Variants in TALDO1 observed in about 807,000 individuals in gnomAD.
TALDO1 encodes transaldolase.
In TALDO1, 29 loss-of-function variants were observed where a neutral mutation model predicts 38.1. The observed-to-expected ratio is 0.76, with a 90% CI of 0.57 to 1.04. The LOEUF (loss-of-function observed/expected upper bound fraction) is 1.04. Among genes scored for constraint, TALDO1 ranks in the 50% least tolerant of loss-of-function variants. The pLI is 0.00. For synonymous variants in TALDO1, 207 were observed against 176.8 expected, an observed-to-expected ratio of 1.17 and a Z score of -1.36; for missense variants, 499 against 438.1, an observed-to-expected ratio of 1.14 and a Z score of -1.24.
At position 759,008 on chromosome 11, in the gene TALDO1, G is replaced by C; in HGVS notation, c.280G>C (p.Glu94Gln). The C allele has an allele frequency of 6.2e-7, 1 of 1,613,308 alleles. No homozygotes were observed. The highest frequency in any genetic ancestry group is 2.2e-5 in the East Asian group (1 of 44,834). The change falls in exon 3 of 8, where the codon GAA (glutamate) becomes CAA (glutamine). Residue 94 changes from glutamate to glutamine, a missense_variant. By Grantham distance (29) the Glu-to-Gln change is conservative. Transcript: ENST00000319006. ...IDKLFVLFGA[E>Q]ILKKIPGRVS... is the part of the protein sequence containing the mutation. ...TAAACTTTTTGTGTTGTTTGGAGCAGAAATACTAAAGAAGATTCCGGGCCG... is the reference window on the plus strand; with the variant it reads ...TAAACTTTTTGTGTTGTTTGGAGCACAAATACTAAAGAAGATTCCGGGCCG...
chr11:761,242 A>C (rs766360013), intron 4 of TALDO1, among the ~76,000 whole-genome samples: 3 of 151,218 alleles, frequency 2.0e-5, no homozygotes, highest in Non-Finnish European at 4.4e-5. Context: ...AGGCTGAAGC[A>C]GGAGAATCAC....
chr11:764,721 A>AG (rs1206618640), intron 7 of TALDO1, 92 bp from the exon 8 acceptor site: 2 of 1,596,646 alleles, frequency 1.3e-6, no homozygotes, highest in East Asian at 2.2e-5. Flanking sequence ...AGACCCCACA[A>AG]GGGCCTCCCT....
chr11:764,295 C>T lies in TALDO1; in HGVS notation c.843C>T (p.Ala281=). The T allele has an allele frequency of 2.5e-6, 4 of 1,614,180 alleles. No individual in the cohort carries two copies. Among genetic ancestry groups the T allele is most frequent in the African/African-American group, 1.3e-5 (1 of 75,050 alleles). Reference sequence around the variant, plus strand: ...CTGGTTCTTGTCCCCCAGCCCAAGCCAGTGACCTGGAAAAAATCCACCTGG... The same window carrying T: ...CTGGTTCTTGTCCCCCAGCCCAAGCTAGTGACCTGGAAAAAATCCACCTGG... ...VPVLSAKAAQ[A]SDLEKIHLDE... The change falls in exon 7 of 8, where the codon GCC becomes GCT. Residue 281 remains alanine, a synonymous_variant. Transcript: ENST00000319006.
chr11:764,143 C>T (rs1001311476), intron 6 of TALDO1, 145 bp from the exon 7 acceptor site: 1 of 1,481,266 alleles, frequency 6.8e-7, no homozygotes, highest in Non-Finnish European at 9.3e-7. Context: ...GTGGGCTGAA[C>T]CCCACTTCCA....
chr11:764,194 G>A, intron 6 of TALDO1, 94 bp from the exon 7 acceptor site: 1 of 1,603,998 alleles, frequency 6.2e-7, no homozygotes, highest in Non-Finnish European at 8.5e-7. Flanking sequence ...CCTGGTGGGA[G>A]ATGCTTGGGT....
intron 1 of TALDO1, among the ~76,000 whole-genome samples, chr11:753,664 C>A (rs1250436055): frequency 6.6e-6 from 1 of 152,006 alleles, no homozygotes; most frequent in Admixed American, 6.6e-5. Flanking sequence ...TTGGAGGTTG[C>A]AGTGAGCTGA....
At chr11:763,064 G>C (rs1862966682) in intron 4 of TALDO1, among the ~76,000 whole-genome samples, 1 of 152,018 alleles carries the variant, frequency 6.6e-6, no homozygotes, top group Non-Finnish European at 1.5e-5. Context: ...TCCACTTAGA[G>C]CCCTCGAGTC....
At chr11:749,641 C>T (rs1477050760) in intron 1 of TALDO1, among the ~76,000 whole-genome samples, 2 of 152,158 alleles carry the variant, frequency 1.3e-5, no homozygotes, top group East Asian at 3.9e-4. Flanking sequence ...CAATGTGATC[C>T]TCCCCATTTT....
chr11:750,241 T>C (rs796385930), intron 1 of TALDO1, among the ~76,000 whole-genome samples: 3 of 152,280 alleles, frequency 2.0e-5, no homozygotes, highest in African/African-American at 7.2e-5. Flanking sequence ...ACCTGTTCTC[T>C]ACCTCTATAG....
intron 4 of TALDO1, 139 bp from the exon 5 acceptor site, chr11:763,200 ACCTGC>A (rs1564993956): frequency 2.3e-4 from 28 of 120,662 alleles, no homozygotes; most frequent in African/African-American, 1.4e-3. Context: ...CCCCGCCCTC[ACCTGC>A]CCCGCCCTCA....
chr11:755,553 G>T (rs1406827707), intron 1 of TALDO1, among the ~76,000 whole-genome samples: 1 of 152,172 alleles, frequency 6.6e-6, no homozygotes, highest in Non-Finnish European at 1.5e-5. Context: ...CCTTGTGGTG[G>T]TACGGCAGTG....
chr11:764,149 T>G (rs1863008349), intron 6 of TALDO1, 139 bp from the exon 7 acceptor site: 1 of 1,511,928 alleles, frequency 6.6e-7, no homozygotes, highest in African/African-American at 1.4e-5. Flanking sequence ...TGAACCCCAC[T>G]TCCAGCGTGA....
intron 2 of TALDO1, among the ~76,000 whole-genome samples, chr11:757,456 C>T (rs997973795): frequency 2.0e-5 from 3 of 152,034 alleles, no homozygotes; most frequent in African/African-American, 4.8e-5. Context: ...CCACACCTGG[C>T]TAATATTTGT....
In TALDO1 at chr11:763,734, G is replaced by A. The variant is rs769969522; in HGVS notation, c.638-13G>A. The A allele has an allele frequency of 6.2e-7, 1 of 1,613,442 alleles. No individual in the cohort carries two copies. The highest frequency in any genetic ancestry group is 8.5e-7 in the Non-Finnish European group (1 of 1,179,546). On this transcript the variant is annotated splice_polypyrimidine_tract_variant and intron_variant, in intron 5 of 7. Transcript: ENST00000319006. ...GCCGAAGCCTTCCTGGTCACAGCTT[G>A]GTCTCTTTCCAGGGGTAAAGAGTGT...
chr11:760,891 C>T (rs1211453482), intron 4 of TALDO1: 2 of 156,074 alleles, frequency 1.3e-5, no homozygotes, highest in East Asian at 1.9e-4. Flanking sequence ...AAAAATTAGC[C>T]GGGCATGGTG....
chr11:764,998 A>G lies in TALDO1; in HGVS notation c.*153A>G. 5 of 999,842 alleles carry G rather than the reference A, an allele frequency of 5.0e-6. No individual in the cohort carries two copies. The highest frequency in any genetic ancestry group is 7.7e-6 in the Non-Finnish European group (5 of 651,192). 61.9% of individuals were successfully genotyped at this position (999,842 alleles called of 1,614,324 possible). ...TGTAAAATTTTGCCTAATACATTAA[A>G]GCAGTCACTTTTCCTGTGCTGTTTC... On this transcript the variant is annotated 3_prime_UTR_variant, in exon 8 of 8. Transcript: ENST00000319006.
chr11:756,466 T>G (rs1294801937), intron 2 of TALDO1, among the ~76,000 whole-genome samples: 1 of 151,868 alleles, frequency 6.6e-6, no homozygotes, highest in Non-Finnish European at 1.5e-5. Flanking sequence ...GCTTCCCAAT[T>G]AGCTGGGCTT....
intron 2 of TALDO1, among the ~76,000 whole-genome samples, 184 bp from the exon 3 acceptor site, chr11:758,766 A>G (rs928479369): frequency 6.6e-6 from 1 of 152,056 alleles, no homozygotes; most frequent in African/African-American, 2.4e-5. Flanking sequence ...CACCATGCCC[A>G]GCTAATTTTT....
intron 7 of TALDO1, 146 bp downstream of exon 7, chr11:764,579 G>A: frequency 7.0e-7 from 1 of 1,420,436 alleles, no homozygotes; most frequent in Non-Finnish European, 9.7e-7. Context: ...GCCTGTTGAG[G>A]CCATCCCAGG....
Sources: gnomAD v4.1 joint callset for allele counts (sites outside exome capture counted in the v4.1 genomes callset) on GRCh38, gnomAD v4.1.1 for gene constraint, MANE v1.5 for transcripts, NCBI Gene and HGNC (gene_info 2026-07-23, HGNC 2026-07-21) for gene names.